The following GABPA variants were observed in gnomAD, a reference collection of about 807,000 sequenced individuals.
GABPA encodes GA binding protein transcription factor subunit alpha.
A neutral mutation model predicts 59.4 loss-of-function variants in GABPA; 4 were observed. The ratio of observed to expected loss-of-function variants is 0.07; its 90% confidence interval spans 0.03 to 0.15. GABPA has a LOEUF of 0.15. GABPA is among the 10% of genes least tolerant of loss of function. The pLI is 1.00. For missense variants in GABPA, 251 were observed against 543.8 expected (o/e 0.46, Z 5.36); for synonymous variants, 164 against 183.1 (o/e 0.90, Z 0.84).
chr21:25,764,141 T>G, intron 7 of GABPA, 69 bp from the exon 8 acceptor site: 1 of 1,367,288 alleles, frequency 7.3e-7, no homozygotes, highest in Non-Finnish European at 1.0e-6. Flanking sequence ...TGATAATGTC[T>G]TTCAGTAATT....
intron 3 of GABPA, among the ~76,000 whole-genome samples, chr21:25,747,021 A>T (rs1041592635): frequency 6.6e-6 from 1 of 152,226 alleles, no homozygotes; most frequent in African/African-American, 2.4e-5. Flanking sequence ...TCTCTCACGT[A>T]ATCTTCACAT....
intron 9 of GABPA, among the ~76,000 whole-genome samples, chr21:25,765,197 T>C (rs943753320): frequency 2.0e-5 from 3 of 152,078 alleles, no homozygotes; most frequent in Non-Finnish European, 2.9e-5. Flanking sequence ...AATCTTTACA[T>C]TGATACAAAC....
In GABPA at chr21:25,735,136, T is replaced by A; in HGVS notation, c.-469T>A. On this transcript the variant is annotated 5_prime_UTR_variant, in exon 1 of 10. Transcript: ENST00000400075. ...TTTCTTCGCCTAATTTGACCCGTTC[T>A]TTTTCCCCTCCTTGAAACCTTGCTC... The A allele has an allele frequency of 1.5e-6, 1 of 678,220 alleles. No individual in the cohort carries two copies. The highest frequency in any genetic ancestry group is 1.7e-5 in the South Asian group (1 of 60,172). 42.0% of individuals were successfully genotyped at this position (678,220 alleles called of 1,614,324 possible).
chr21:25,748,126 G>A (rs1019739629), intron 3 of GABPA, among the ~76,000 whole-genome samples: 4 of 152,090 alleles, frequency 2.6e-5, no homozygotes, highest in African/African-American at 7.2e-5. Context: ...GGCTGGTCTC[G>A]AACTTCAGAC....
intron 1 of GABPA, among the ~76,000 whole-genome samples, chr21:25,738,911 C>T (rs1304379816): frequency 2.0e-5 from 3 of 151,594 alleles, no homozygotes; most frequent in African/African-American, 7.3e-5. Context: ...GCTTATTAGA[C>T]CAGCATCAGC....
rs903921414 is a variant in GABPA at position 25,752,217 on chromosome 21, G to A, written c.536G>A (p.Arg179His). The A allele has an allele frequency of 1.5e-5, 25 of 1,613,088 alleles. No homozygotes were observed. The highest frequency in any genetic ancestry group is 2.2e-5 in the East Asian group (1 of 44,856). ...GAAGGCTATAGGAAAGAACAAGAAC[G>A]CCTTGGGATACCCTATGGTAATAAA... is the stretch of plus-strand genomic sequence containing the variant. Reference protein sequence around the residue: ...ALEGYRKEQERLGIPYDPIQW... With the variant: ...ALEGYRKEQEHLGIPYDPIQW... The change falls in exon 5 of 10, where the codon CGC becomes CAC. Residue 179 changes from arginine (R) to histidine (H), a missense_variant. This residue lies in a region of GABPA where 207 missense variants were observed against 366.7 expected (regional missense o/e 0.56). Coordinates refer to ENST00000400075, the MANE Select transcript of GABPA (RefSeq NM_002040.4).
chr21:25,750,676 C>T (rs565066523), intron 4 of GABPA, among the ~76,000 whole-genome samples: 3 of 152,250 alleles, frequency 2.0e-5, no homozygotes, highest in South Asian at 4.1e-4. Context: ...CCACATTTTT[C>T]TTCAGACTCT....
chr21:25,747,214 G>A (rs1368927768), intron 3 of GABPA, among the ~76,000 whole-genome samples: 1 of 152,160 alleles, frequency 6.6e-6, no homozygotes, highest in African/African-American at 2.4e-5. Flanking sequence ...CTTTTTTAAA[G>A]GTTTATAGTG....
intron 5 of GABPA, among the ~76,000 whole-genome samples, chr21:25,752,514 A>G (rs1015922606): frequency 6.6e-6 from 1 of 152,224 alleles, no homozygotes; most frequent in East Asian, 1.9e-4. Flanking sequence ...GATGATTGCC[A>G]TAAAAGGTAA....
At chr21:25,767,325 G>A (rs953114868) in intron 9 of GABPA, among the ~76,000 whole-genome samples, 3 of 151,588 alleles carry the variant, frequency 2.0e-5, no homozygotes, top group African/African-American at 7.3e-5. Context: ...CCTTTTGTTT[G>A]TGTGATATAT....
At chr21:25,739,371 C>T (rs2035160899) in intron 1 of GABPA, among the ~76,000 whole-genome samples, 2 of 152,190 alleles carry the variant, frequency 1.3e-5, no homozygotes, top group African/African-American at 2.4e-5. Flanking sequence ...TATTATCTTA[C>T]AGTTTTGGAG....
chr21:25,741,408 A>T (rs1263828555), intron 1 of GABPA, among the ~76,000 whole-genome samples, 165 bp from the exon 2 acceptor site: 1 of 151,934 alleles, frequency 6.6e-6, no homozygotes, highest in Non-Finnish European at 1.5e-5. Flanking sequence ...TCCTGGGATT[A>T]GAGACATGAG....
chr21:25,757,474 G>A (rs986557631), intron 5 of GABPA, among the ~76,000 whole-genome samples: 2 of 152,114 alleles, frequency 1.3e-5, no homozygotes. Flanking sequence ...GGGGACAGCT[G>A]AGTAAAACAG....
chr21:25,763,935 A>ACT (rs10622399), intron 7 of GABPA, among the ~76,000 whole-genome samples: 146,983 of 151,882 alleles, frequency 0.97, 71,199 homozygotes, highest in Non-Finnish European at 1. Flanking sequence ...ATGTTTAAAT[A>ACT]CTCTTTGTCT....
At chr21:25,764,824 T>C in intron 9 of GABPA, 37 bp downstream of exon 9, 1 of 1,428,542 alleles carries the variant, frequency 7.0e-7, no homozygotes, top group Non-Finnish European at 9.4e-7. Flanking sequence ...TTATCAAAAA[T>C]AGAAACTTTC....
chr21:25,750,972 T>C (rs2035494619), intron 4 of GABPA, among the ~76,000 whole-genome samples: 1 of 152,210 alleles, frequency 6.6e-6, no homozygotes, highest in Non-Finnish European at 1.5e-5. Context: ...CTTGCAATAC[T>C]GGTTTTCACA....
Position 25,752,150 on chromosome 21 carries a change from G to T in GABPA, c.469G>T (p.Asp157Tyr). 6.2e-7 allele frequency: 1 copy of T among 1,610,498 alleles called. No individual in the cohort carries two copies. Among genetic ancestry groups the T allele is most frequent in the Non-Finnish European group, 8.5e-7 (1 of 1,177,058 alleles). The change falls in exon 5 of 10, where the codon GAT becomes TAT. Residue 157 changes from aspartate to tyrosine, a missense_variant. Coordinates refer to ENST00000400075, the MANE Select transcript of GABPA (RefSeq NM_002040.4). Reference sequence around the variant, plus strand: ...CACAAAACACATCACAACCATTTCAGATGAAACTTCAGAACAAGTGACAAG... The same window carrying T: ...CACAAAACACATCACAACCATTTCATATGAAACTTCAGAACAAGTGACAAG... ...DGTKHITTISDETSEQVTRWA... is the reference protein window; with the variant it reads ...DGTKHITTISYETSEQVTRWA...
intron 4 of GABPA, among the ~76,000 whole-genome samples, chr21:25,751,485 T>A (rs1260590004): frequency 6.6e-6 from 1 of 151,664 alleles, no homozygotes; most frequent in East Asian, 1.9e-4. Flanking sequence ...AATTTAGAAT[T>A]TAATGGTTAA....
chr21:25,758,737 C>T (rs2035695388), intron 6 of GABPA, among the ~76,000 whole-genome samples: 1 of 152,088 alleles, frequency 6.6e-6, no homozygotes, highest in African/African-American at 2.4e-5. Context: ...ATGCAGCCAC[C>T]TTTTGGCATT....
Sources: gnomAD v4.1 joint callset for allele counts (sites outside exome capture counted in the v4.1 genomes callset) on GRCh38, gnomAD v4.1.1 for gene constraint, gnomAD v4.1.1 regional missense constraint, MANE v1.5 for transcripts, NCBI Gene and HGNC (gene_info 2026-07-23, HGNC 2026-07-21) for gene names.